Variants in ZNF578 observed in about 807,000 individuals in gnomAD.
The protein encoded by ZNF578 is Putative chemokine-related protein B42.
Under a neutral mutation model 8.3 loss-of-function variants are expected in ZNF578, and 8 were observed. The ratio of observed to expected loss-of-function variants is 0.96; its 90% CI spans 0.56 to 1.74. The LOEUF is 1.74. ZNF578 is among the 40% of genes most tolerant of loss of function. The pLI is 0.00. For synonymous variants in ZNF578, 206 were observed against 232.2 expected, an observed-to-expected ratio of 0.89 and a Z score of 1.03; for missense variants, 726 against 707.5, an observed-to-expected ratio of 1.03 and a Z score of -0.30.
chr19:52,498,379 G>T (rs10421111), intron 3 of ZNF578, among the ~76,000 whole-genome samples: 27,540 of 145,332 alleles, frequency 0.19, 2,865 homozygotes, highest in Non-Finnish European at 0.23. Context: ...TCGCCCAGGA[G>T]GGAGTGCAGT....
chr19:52,455,139 C>T (rs1427570943), intron 1 of ZNF578: 2 of 151,572 alleles, frequency 1.3e-5, no homozygotes, highest in Non-Finnish European at 2.9e-5. Flanking sequence ...GAATGACCCA[C>T]AGCTTAGTCC....
chr19:52,489,873 A>G (rs185359247), intron 2 of ZNF578, among the ~76,000 whole-genome samples: 2 of 151,982 alleles, frequency 1.3e-5, no homozygotes, highest in East Asian at 3.9e-4. Context: ...AGCCAGGATG[A>G]TCTCTATCTC....
intron 2 of ZNF578, among the ~76,000 whole-genome samples, chr19:52,479,407 C>T (rs78889440): frequency 0.11 from 17,270 of 151,742 alleles, 1,748 homozygotes; most frequent in East Asian, 0.33. Flanking sequence ...TGGTGGCGGG[C>T]GCCCGAAGTC....
chr19:52,470,709 C>T lies in ZNF578; in HGVS notation c.-122+13751C>T, dbSNP rs1013364022. On this transcript the variant is annotated intron_variant, in intron 2 of 5. Coordinates refer to ENST00000421239, the MANE Select transcript of ZNF578 (RefSeq NM_001099694.2). ...GGCTCTTTCTTCTTTCTATGCTGGA[C>T]GCTTGCTTACACTCCTCCTGCCCTT... Among the ~76,000 whole-genome samples, 6 of 152,148 alleles carry T rather than the reference C, an allele frequency of 3.9e-5. No individual in the cohort carries two copies. The South Asian group carries it at 6.2e-4, about 16-fold the overall frequency.
chr19:52,498,332 T>TG (rs2059394415), intron 3 of ZNF578, among the ~76,000 whole-genome samples: 1 of 37,242 alleles, frequency 2.7e-5, no homozygotes. Flanking sequence ...AATGTGTGTT[T>TG]TTTTTTTTTT....
intron 2 of ZNF578, among the ~76,000 whole-genome samples, chr19:52,483,703 AG>A (rs2122851871): frequency 6.6e-6 from 1 of 152,352 alleles, no homozygotes; most frequent in African/African-American, 2.4e-5. Flanking sequence ...ACAGTTAACT[AG>A]GTAACTAAGG....
In ZNF578 at chr19:52,468,863, T is replaced by C. The variant is rs117399619; in HGVS notation, c.-122+11905T>C. Among the ~76,000 whole-genome samples the C allele has an allele frequency of 6.2e-4, 95 of 152,316 alleles. 1 individual carries two copies. In the East Asian group the frequency reaches 0.018, roughly 29 times the overall value. On this transcript the variant is annotated intron_variant, in intron 2 of 5. Coordinates refer to ENST00000421239, the MANE Select transcript of ZNF578 (RefSeq NM_001099694.2). ...CCCTTGGACATCAGATTATAGGTTCTTCAGCCTTTGGACTCTGGGACTTGA... is the reference window on the plus strand; with the variant it reads ...CCCTTGGACATCAGATTATAGGTTCCTCAGCCTTTGGACTCTGGGACTTGA...
At chr19:52,470,843 G>A (rs1442313047) in intron 2 of ZNF578, among the ~76,000 whole-genome samples, 1 of 152,140 alleles carries the variant, frequency 6.6e-6, no homozygotes, top group Non-Finnish European at 1.5e-5. Context: ...ATATGGATTG[G>A]ATCTATGTCC....
rs865810956 is a variant in ZNF578, at chr19:52,513,661, C to T, written c.*1507C>T. 3.5e-5 allele frequency among the ~76,000 whole-genome samples: 5 copies of T among 143,862 alleles called. No individual in the cohort carries two copies. The highest frequency in any genetic ancestry group is 2.1e-4 in the East Asian group (1 of 4,834). 94.4% of individuals were successfully genotyped at this position (143,862 alleles called of 152,430 possible). On this transcript the variant is annotated 3_prime_UTR_variant, in exon 6 of 6. Transcript: ENST00000421239. ...TGGACAATGGTGTGAACCCAGGAGG[C>T]GGTGCTTGCAGGGAGCCGAGATCGT...
intron 2 of ZNF578, among the ~76,000 whole-genome samples, chr19:52,480,832 G>A (rs568802626): frequency 6.6e-6 from 1 of 151,420 alleles, no homozygotes; most frequent in African/African-American, 2.4e-5. Flanking sequence ...GGAGGCAGAG[G>A]TTGCAATGAG....
intron 1 of ZNF578, chr19:52,456,073 C>T (rs553226274): frequency 1.3e-5 from 2 of 152,350 alleles, no homozygotes; most frequent in Non-Finnish European, 2.9e-5. Context: ...ACTCTTTAGC[C>T]CCTCAGTTGC....
chr19:52,496,723 C>T (rs1445700386), intron 3 of ZNF578, among the ~76,000 whole-genome samples: 2 of 151,926 alleles, frequency 1.3e-5, no homozygotes, highest in East Asian at 1.9e-4. Context: ...CTGCAACCTT[C>T]GCCTCTGGGG....
intron 2 of ZNF578, among the ~76,000 whole-genome samples, chr19:52,472,225 G>C (rs554734674): frequency 1.3e-5 from 2 of 152,246 alleles, no homozygotes; most frequent in East Asian, 3.9e-4. Context: ...AACCCTAATG[G>C]TGCATTATTA....
At chr19:52,464,863 G>T (rs1171080531) in intron 2 of ZNF578, among the ~76,000 whole-genome samples, 1 of 152,076 alleles carries the variant, frequency 6.6e-6, no homozygotes, top group African/African-American at 2.4e-5. Flanking sequence ...TTCAAAATCT[G>T]CCTCTGCTAA....
intron 2 of ZNF578, among the ~76,000 whole-genome samples, chr19:52,461,001 C>A (rs2059256220): frequency 6.6e-6 from 1 of 152,154 alleles, no homozygotes; most frequent in Admixed American, 6.5e-5. Context: ...ACAGCATAAA[C>A]CGATACACAT....
chr19:52,504,509 A>T (rs904185869), intron 4 of ZNF578, 146 bp from the exon 5 acceptor site: 1 of 1,492,028 alleles, frequency 6.7e-7, no homozygotes, highest in African/African-American at 1.4e-5. Flanking sequence ...AACTATTGAG[A>T]AAAAAAATTC....
At chr19:52,495,755 T>G (rs2059383641) in intron 3 of ZNF578, among the ~76,000 whole-genome samples, 1 of 150,434 alleles carries the variant, frequency 6.6e-6, no homozygotes. Context: ...CTAAGTGTGG[T>G]GCATTTTATA....
chr19:52,480,142 G>A (rs532374506), intron 2 of ZNF578, among the ~76,000 whole-genome samples: 4 of 152,220 alleles, frequency 2.6e-5, no homozygotes, highest in African/African-American at 9.6e-5. Flanking sequence ...ATCTGACCTC[G>A]TGATCCACCT....
intron 3 of ZNF578, among the ~76,000 whole-genome samples, chr19:52,497,598 A>C (rs1206591861): frequency 1.3e-5 from 2 of 152,118 alleles, no homozygotes; most frequent in Non-Finnish European, 1.5e-5. Context: ...TATTTTTTGA[A>C]CATTTTAAAA....
Sources: allele counts gnomAD v4.1 joint callset (sites outside exome capture counted in the v4.1 genomes callset), GRCh38; gene constraint gnomAD v4.1.1; transcripts MANE v1.5; gene names NCBI Gene and HGNC (gene_info 2026-07-23, HGNC 2026-07-21).